SRMS: variants seen among roughly 807,000 people sequenced by gnomAD.
The protein encoded by SRMS is tyrosine-protein kinase Srms.
Under a neutral mutation model 43.5 loss-of-function variants are expected in SRMS, and 42 were observed. The observed-to-expected ratio is 0.97, with a 90% CI of 0.75 to 1.25. The LOEUF is 1.25. Among genes scored for constraint, SRMS ranks in the 50% most tolerant of loss-of-function variants. SRMS has a pLI of 0.00. For synonymous variants in SRMS, 316 were observed against 308.2 expected (o/e 1.03, Z -0.27); for missense variants, 703 against 681.0 (o/e 1.03, Z -0.36).
rs2082741683 is a variant in SRMS, at chr20:63,547,667, C to T, written c.-204G>A. On this transcript the variant is annotated 5_prime_UTR_variant, in exon 1 of 8. Coordinates refer to ENST00000217188, the MANE Select transcript of SRMS (RefSeq NM_080823.4). ...ACCGGCGTCCGGGCTGGCGTTGGGG[C>T]TGGGTGGGGCGCAGGGCGGACCCCC... Among the ~76,000 whole-genome samples the T allele has an allele frequency of 6.6e-6, 1 of 152,208 alleles. No individual in the cohort carries two copies. The highest frequency in any genetic ancestry group is 1.5e-5 in the Non-Finnish European group (1 of 68,012).
intron 5 of SRMS, 29 bp downstream of exon 5, chr20:63,542,134 G>C (rs759895294): frequency 6.3e-7 from 1 of 1,592,654 alleles, no homozygotes. Context: ...GGCGCGTCAG[G>C]GCCACGTGGC....
At chr20:63,544,469 AC>A in intron 1 of SRMS, 121 bp from the exon 2 acceptor site, 1 of 1,268,498 alleles carries the variant, frequency 7.9e-7, no homozygotes, top group Non-Finnish European at 1.0e-6. Flanking sequence ...GAGAAGGTCC[AC>A]CCCGTGGACT....
rs555391516 is a variant in SRMS at position 63,545,376 on chromosome 20, T to A, written c.357-1028A>T. ...GGACCCGGAGAGGGATGCCTGCCAC[T>A]CCCCTGCCCCAGGGCACACCCCGTA... is the stretch of plus-strand genomic sequence containing the variant. On this transcript the variant is annotated intron_variant, in intron 1 of 7. Coordinates refer to ENST00000217188, the MANE Select transcript of SRMS (RefSeq NM_080823.4). Among the ~76,000 whole-genome samples the A allele has an allele frequency of 9.2e-5, 14 of 152,118 alleles. No individual in the cohort carries two copies. In the East Asian group the frequency reaches 2.7e-3, roughly 29 times the overall value.
intron 1 of SRMS, among the ~76,000 whole-genome samples, chr20:63,545,132 G>C (rs553165662): frequency 5.3e-4 from 80 of 152,314 alleles, no homozygotes; most frequent in Non-Finnish European, 9.0e-4. Context: ...CCCACACCGG[G>C]TGTCGGGAGA....
intron 3 of SRMS, among the ~76,000 whole-genome samples, 155 bp downstream of exon 3, chr20:63,543,159 A>G (rs1357933477): frequency 6.6e-6 from 1 of 152,166 alleles, no homozygotes; most frequent in African/African-American, 2.4e-5. Context: ...ATGTGCTGGA[A>G]CCGCTGGGAT....
At chr20:63,543,526 GC>G (rs1294742912) in intron 2 of SRMS, 46 bp from the exon 3 acceptor site, 2 of 1,594,692 alleles carry the variant, frequency 1.3e-6, no homozygotes, top group Admixed American at 3.4e-5. Context: ...GCTGCCAGCT[GC>G]CCCGACCCTC....
At chr20:63,541,728 C>T (rs1233570414) in intron 5 of SRMS, 108 bp from the exon 6 acceptor site, 8 of 1,331,232 alleles carry the variant, frequency 6.0e-6, no homozygotes, top group Middle Eastern at 2.7e-4. Context: ...ATCTCTAAGA[C>T]GTGGCGAGGA....
chr20:63,543,660 A>C, intron 2 of SRMS, 180 bp from the exon 3 acceptor site: 2 of 706,940 alleles, frequency 2.8e-6, no homozygotes, highest in African/African-American at 1.8e-5. Flanking sequence ...GGGGCGGGGC[A>C]GCGAGAGCGG....
At position 63,542,201 on chromosome 20, in the gene SRMS, T is replaced by G; in HGVS notation, c.908A>C (p.Glu303Ala). ...CTGCAGGTTCCCCTTGCGCATGAGT[T>G]CCGTGACGATGTACACAGGCTCCCC... ...SGGEPVYIVT[E>A]LMRKGNLQAF... The change falls in exon 5 of 8, where the codon GAA (glutamate) becomes GCA (alanine). Residue 303 changes from glutamate to alanine, a missense_variant. Coordinates refer to ENST00000217188, the MANE Select transcript of SRMS (RefSeq NM_080823.4). 1 of 1,612,182 alleles carries G rather than the reference T, an allele frequency of 6.2e-7. No homozygotes were observed. The highest frequency in any genetic ancestry group is 8.5e-7 in the Non-Finnish European group (1 of 1,179,410).
In SRMS at chr20:63,542,597, G is replaced by A; in HGVS notation, c.646-16C>T. 1 of 1,580,882 alleles carries A rather than the reference G, an allele frequency of 6.3e-7. No homozygotes were observed. The highest frequency in any genetic ancestry group is 8.6e-7 in the Non-Finnish European group (1 of 1,157,918). ...TCGGGGCCTTCTGCAGGGAGGGTGG[G>A]CAGGGAGGCTGGTCAGCGTGGGCCC... On this transcript the variant is annotated splice_polypyrimidine_tract_variant and intron_variant, in intron 3 of 7. Transcript: ENST00000217188.
chr20:63,543,393 C>A lies in SRMS; in HGVS notation c.566G>T (p.Gly189Val). The change falls in exon 3 of 8, where the codon GGC becomes GTC. Residue 189 changes from glycine (G) to valine (V), a missense_variant. By Grantham distance (109) the Gly-to-Val change is moderately radical (BLOSUM62 -3). Transcript: ENST00000217188. ...LYLQKGRLFPGLEELLTYYKA... is the reference protein window; with the variant it reads ...LYLQKGRLFPVLEELLTYYKA... ...GTAGTAGGTGAGCAGCTCCTCCAGG[C>A]CGGGAAAGAGCCGTCCCTTCTGCAG... is the stretch of plus-strand genomic sequence containing the variant. The A allele has an allele frequency of 6.2e-7, 1 of 1,612,832 alleles. No individual in the cohort carries two copies.
chr20:63,540,198 G>A lies in SRMS; in HGVS notation c.*620C>T, dbSNP rs181172031. Among the ~76,000 whole-genome samples, 11 of 152,316 alleles carry A rather than the reference G, an allele frequency of 7.2e-5. No individual in the cohort carries two copies. The East Asian group carries it at 1.7e-3, about 24-fold the overall frequency. On this transcript the variant is annotated 3_prime_UTR_variant, in exon 8 of 8. Transcript: ENST00000217188. Reference sequence around the variant, plus strand: ...GCGTGAGTGGGTTTGTGCACAGGCCGCCAGTGTGTCTGTGAGGGGCAGGTG... The same window carrying A: ...GCGTGAGTGGGTTTGTGCACAGGCCACCAGTGTGTCTGTGAGGGGCAGGTG...
At chr20:63,542,371 T>C in intron 4 of SRMS, 50 bp from the exon 5 acceptor site, 1 of 1,597,094 alleles carries the variant, frequency 6.3e-7, no homozygotes, top group Admixed American at 1.7e-5. Flanking sequence ...CGAACATCAC[T>C]GCCCTGGGGC....
Position 63,541,349 on chromosome 20 carries a change from TG to T in SRMS, c.1129-3del. The T allele has an allele frequency of 1.3e-6, 2 of 1,542,358 alleles. No individual in the cohort carries two copies. On this transcript the variant is annotated splice_polypyrimidine_tract_variant and splice_region_variant and intron_variant, in intron 6 of 7. Coordinates refer to ENST00000217188, the MANE Select transcript of SRMS (RefSeq NM_080823.4). ...GCTGCTCGGGGAGTAGATGTCGTCC[TG>T]GGGGCGAGGGAAGGCCCCTGGTAGG...
Position 63,543,330 on chromosome 20 carries a change from T to G in SRMS, c.629A>C (p.Gln210Pro). 1 of 1,612,592 alleles carries G rather than the reference T, an allele frequency of 6.2e-7. No individual in the cohort carries two copies. Among genetic ancestry groups the G allele is most frequent in the South Asian group, 1.1e-5 (1 of 91,084 alleles). Residue 210 changes from glutamine to proline, a missense_variant, in exon 3 of 8, where the codon CAG becomes CCG. By Grantham distance (76) the Gln-to-Pro change is moderately conservative (BLOSUM62 -1). Coordinates refer to ENST00000217188, the MANE Select transcript of SRMS (RefSeq NM_080823.4). ...NWKLIQNPLL[Q>P]PCMPQKAPRQ... The stretch of plus-strand genomic sequence containing the variant: ...CAGGCCCACCTGGGGCATGCAGGGC[T>G]GCAGCAGGGGGTTCTGGATCAGCTT...
rs372690683 is a variant in SRMS at position 63,547,192 on chromosome 20, C to T, written c.272G>A (p.Arg91His). The T allele has an allele frequency of 3.4e-5, 55 of 1,611,958 alleles. No individual in the cohort carries two copies. Among genetic ancestry groups the T allele is most frequent in the East Asian group, 2.7e-4 (12 of 44,826 alleles). ...GGCGCTGGGCTGGCCCGAAAGCCTG[C>T]GTGCGAAGATGTAGCCGCCCCCCTC... ...LEEGGGYIFA[R>H]RLSGQPSAGL... Residue 91 changes from arginine to histidine, a missense_variant, in exon 1 of 8, where the codon CGC becomes CAC. Physicochemically the swap from Arg to His is conservative, Grantham distance 29 (BLOSUM62 0). Coordinates refer to ENST00000217188, the MANE Select transcript of SRMS (RefSeq NM_080823.4).
In SRMS at chr20:63,542,421, C is replaced by T. The variant is rs1017555118; in HGVS notation, c.787+19G>A. On this transcript the variant is annotated intron_variant, in intron 4 of 7. Coordinates refer to ENST00000217188, the MANE Select transcript of SRMS (RefSeq NM_080823.4). ...GCAGGTGCGGGGCCCGGCCGTGGCGCAGGATCTCGGGGCCTCACCTGACTT... is the reference window on the plus strand; with the variant it reads ...GCAGGTGCGGGGCCCGGCCGTGGCGTAGGATCTCGGGGCCTCACCTGACTT... 4 of 1,605,630 alleles carry T rather than the reference C, an allele frequency of 2.5e-6. No homozygotes were observed. Among genetic ancestry groups the T allele is most frequent in the Non-Finnish European group, 3.4e-6 (4 of 1,175,138 alleles).
intron 1 of SRMS, 140 bp from the exon 2 acceptor site, chr20:63,544,488 C>CA: frequency 8.8e-7 from 1 of 1,136,664 alleles, no homozygotes; most frequent in Non-Finnish European, 1.2e-6. Context: ...ACTTTGAGTC[C>CA]CAGCTCAAGG....
intron 1 of SRMS, 41 bp downstream of exon 1, chr20:63,547,067 G>A (rs780526661): frequency 1.3e-6 from 2 of 1,482,120 alleles, no homozygotes; most frequent in Non-Finnish European, 9.0e-7. Context: ...CTCCCCAGCT[G>A]GGGGCGAGGC....
Sources: allele counts gnomAD v4.1 joint callset (sites outside exome capture counted in the v4.1 genomes callset), GRCh38; gene constraint gnomAD v4.1.1; transcripts MANE v1.5; gene names NCBI Gene and HGNC (gene_info 2026-07-23, HGNC 2026-07-21).